Variants in ATL1 observed in about 807,000 individuals in gnomAD.
ATL1 encodes atlastin GTPase 1, also known as atlastin-1.
In ATL1, 31 loss-of-function variants were observed where a neutral mutation model predicts 75.5. The observed-to-expected ratio is 0.41, with a 90% CI of 0.31 to 0.55. ATL1 has a LOEUF of 0.55. Ranked by LOEUF, ATL1 falls within the 20% of genes least tolerant of loss-of-function variation. The probability of loss-of-function intolerance (pLI) is 0.27; values close to 1 mark genes in which losing one functional copy is unlikely to be tolerated. For missense variants in ATL1, 405 were observed against 662.6 expected, an observed-to-expected ratio of 0.61 and a Z score of 4.27; for synonymous variants, 226 against 233.3, an observed-to-expected ratio of 0.97 and a Z score of 0.28.
At chr14:50,546,599 A>G (rs1252290136) in intron 1 of ATL1, among the ~76,000 whole-genome samples, 10 of 152,162 alleles carry the variant, frequency 6.6e-5, no homozygotes, top group Non-Finnish European at 1.3e-4. Context: ...TGTCTTCAGA[A>G]TTGTCTGCAT....
chr14:50,553,170 C>T (rs183543270), intron 1 of ATL1, among the ~76,000 whole-genome samples: 2 of 151,814 alleles, frequency 1.3e-5, no homozygotes, highest in African/African-American at 4.8e-5. Context: ...GTGGTGTGTG[C>T]CTGTAGTCAC....
At chr14:50,625,763 A>T (rs2039512990) in intron 11 of ATL1, among the ~76,000 whole-genome samples, 2 of 152,088 alleles carry the variant, frequency 1.3e-5, no homozygotes, top group South Asian at 4.2e-4. Context: ...ACAAAAAATT[A>T]GCCGGGCGCA....
At chr14:50,577,129 C>A (rs930739002) in intron 1 of ATL1, among the ~76,000 whole-genome samples, 5 of 152,142 alleles carry the variant, frequency 3.3e-5, no homozygotes, top group African/African-American at 1.2e-4. Flanking sequence ...GTGGCGCAAT[C>A]TCAGCTCTCT....
rs549622329 is a variant in ATL1, at chr14:50,562,149, A to G, written c.34+1850A>G. 4.6e-5 allele frequency among the ~76,000 whole-genome samples: 7 copies of G among 151,852 alleles called. No individual in the cohort carries two copies. The East Asian group carries it at 1.2e-3, about 25-fold the overall frequency. On this transcript the variant is annotated intron_variant, in intron 1 of 13. Transcript: ENST00000358385. Reference sequence around the variant, plus strand: ...AAGCTCCACCTCCCGGGTTCACGCCATTCTCCTGCCTCAACCTCCCGAGCA... The same window carrying G: ...AAGCTCCACCTCCCGGGTTCACGCCGTTCTCCTGCCTCAACCTCCCGAGCA...
At chr14:50,628,877 C>G (rs896637444) in intron 12 of ATL1, among the ~76,000 whole-genome samples, 1 of 151,978 alleles carries the variant, frequency 6.6e-6, no homozygotes, top group African/African-American at 2.4e-5. Context: ...CCACCATCCC[C>G]AGCTAAGTTT....
chr14:50,570,374 C>A (rs2038943771), intron 1 of ATL1, among the ~76,000 whole-genome samples: 1 of 151,710 alleles, frequency 6.6e-6, no homozygotes, highest in Non-Finnish European at 1.5e-5. Context: ...TATTTTTAAG[C>A]TTCTTTTTTT....
At chr14:50,607,593 G>A (rs2039327289) in intron 6 of ATL1, among the ~76,000 whole-genome samples, 1 of 151,954 alleles carries the variant, frequency 6.6e-6, no homozygotes, top group Admixed American at 6.6e-5. Context: ...CTTACTTTGG[G>A]TTTAAAACCA....
intron 6 of ATL1, among the ~76,000 whole-genome samples, chr14:50,612,440 T>C (rs982904884): frequency 6.6e-6 from 1 of 152,172 alleles, no homozygotes; most frequent in Non-Finnish European, 1.5e-5. Context: ...AACACATGAC[T>C]CCCAGCTCAA....
At chr14:50,601,490 A>C (rs1171904831) in intron 6 of ATL1, among the ~76,000 whole-genome samples, 2 of 152,162 alleles carry the variant, frequency 1.3e-5, no homozygotes, top group Non-Finnish European at 2.9e-5. Flanking sequence ...TTATTTGCTA[A>C]TTTTTATGGT....
At chr14:50,623,295 C>T (rs779222999) in intron 11 of ATL1, 47 bp downstream of exon 11, 2 of 1,436,648 alleles carry the variant, frequency 1.4e-6, no homozygotes, top group Non-Finnish European at 2.0e-6. Flanking sequence ...AACCAGTATC[C>T]TTCATGCAAC....
rs115900617 is a variant in ATL1 at position 50,549,792 on chromosome 14, A to C, written c.-139-10335A>C. Reference sequence around the variant, plus strand: ...AAAGGAATGGCCTTTTAAAAACCCAATTACATGCACTGTCCCAGAATGGCT... The same window carrying C: ...AAAGGAATGGCCTTTTAAAAACCCACTTACATGCACTGTCCCAGAATGGCT... On this transcript the variant is annotated intron_variant, in intron 1 of 13. Transcript: ENST00000441560. Among the ~76,000 whole-genome samples, 388 of 152,328 alleles carry C rather than the reference A, an allele frequency of 2.5e-3. 4 individuals are homozygous for C. The highest frequency in any genetic ancestry group is 9.0e-3 in the African/African-American group (376 of 41,572).
intron 1 of ATL1, among the ~76,000 whole-genome samples, chr14:50,586,054 T>A (rs1430426080): frequency 6.6e-6 from 1 of 152,234 alleles, no homozygotes; most frequent in Non-Finnish European, 1.5e-5. Flanking sequence ...TATATATATA[T>A]CAATGTGATC....
chr14:50,603,321 C>T (rs969332976), intron 6 of ATL1, among the ~76,000 whole-genome samples: 2 of 152,168 alleles, frequency 1.3e-5, no homozygotes, highest in Non-Finnish European at 1.5e-5. Context: ...CACTTAAAAG[C>T]CCAGCAAGAC....
Position 50,590,673 on chromosome 14 carries a change from T to C in ATL1, c.283-268T>C, listed in dbSNP as rs190342709. 3.9e-5 allele frequency among the ~76,000 whole-genome samples: 6 copies of C among 152,320 alleles called. No homozygotes were observed. In the East Asian group the frequency reaches 1.2e-3, roughly 29 times the overall value. On this transcript the variant is annotated intron_variant, in intron 2 of 13. Coordinates refer to ENST00000358385, the MANE Select transcript of ATL1 (RefSeq NM_015915.5). Reference sequence around the variant, plus strand: ...TGCATCATAATGGTTTGTTTGCATGTCTGTCTCGCTGTTAGGCTGTGAATT... The same window carrying C: ...TGCATCATAATGGTTTGTTTGCATGCCTGTCTCGCTGTTAGGCTGTGAATT...
At chr14:50,623,141 C>T in intron 10 of ATL1, 36 bp from the exon 11 acceptor site, 2 of 1,582,986 alleles carry the variant, frequency 1.3e-6, no homozygotes, top group Non-Finnish European at 8.7e-7. Context: ...TCAATATGAA[C>T]TGCATTTTAC....
Position 50,632,439 on chromosome 14 carries a change from T to C in ATL1, c.*100T>C. The C allele has an allele frequency of 1.2e-6, 1 of 823,710 alleles. No individual in the cohort carries two copies. The allele number at this position is 823,710 out of a possible 1,614,324, so 51.0% of individuals were successfully genotyped here. A position where few individuals can be genotyped will look rare whatever the true frequency, so the allele number is the denominator to read the frequency against. On this transcript the variant is annotated 3_prime_UTR_variant, in exon 14 of 14. Coordinates refer to ENST00000358385, the MANE Select transcript of ATL1 (RefSeq NM_015915.5). ...TCAAAGTGCTTCCATCAGAACGGAG[T>C]AAAATACTAAACACCTCTGAAGACT...
chr14:50,620,553 C>G, intron 8 of ATL1, 46 bp from the exon 9 acceptor site: 1 of 1,587,720 alleles, frequency 6.3e-7, no homozygotes, highest in African/African-American at 1.3e-5. Flanking sequence ...GCATGGAGGA[C>G]TGGGAAGGAT....
At chr14:50,573,205 A>G (rs1336049966) in intron 1 of ATL1, among the ~76,000 whole-genome samples, 1 of 152,166 alleles carries the variant, frequency 6.6e-6, no homozygotes, top group Admixed American at 6.5e-5. Flanking sequence ...CAGTGTCCAT[A>G]ATATTTTTTT....
At chr14:50,585,148 G>T (rs968833241) in intron 1 of ATL1, among the ~76,000 whole-genome samples, 7 of 152,114 alleles carry the variant, frequency 4.6e-5, no homozygotes, top group African/African-American at 1.7e-4. Context: ...TGTTAGAAAG[G>T]ATATGGATCA....
Sources: allele counts gnomAD v4.1 joint callset (sites outside exome capture counted in the v4.1 genomes callset), GRCh38; gene constraint gnomAD v4.1.1; transcripts MANE v1.5; gene names NCBI Gene and HGNC (gene_info 2026-07-23, HGNC 2026-07-21).